CLVS1: variants seen among roughly 807,000 people sequenced by gnomAD.
CLVS1 encodes clavesin-1.
CLVS1 carries 10 observed loss-of-function variants against 33.1 expected under a neutral mutation model. That is an observed-to-expected ratio of 0.30 (90% CI 0.19 to 0.51). The LOEUF (loss-of-function observed/expected upper bound fraction) is 0.51, where lower values mean the gene tolerates loss of function less well. CLVS1 is among the 20% of genes least tolerant of loss of function. The pLI is 0.97. For missense variants in CLVS1, 343 were observed against 433.4 expected, an observed-to-expected ratio of 0.79 and a Z score of 1.85; for synonymous variants, 163 against 166.1, an observed-to-expected ratio of 0.98 and a Z score of 0.14.
intron 2 of CLVS1, among the ~76,000 whole-genome samples, chr8:61,359,650 C>T (rs1812889177): frequency 6.6e-6 from 1 of 152,178 alleles, no homozygotes; most frequent in South Asian, 2.1e-4. Context: ...GCCACCATGC[C>T]TGGCCAGAAA....
chr8:60,971,677 G>A, the CLVS1 span, among the ~76,000 whole-genome samples: 2 of 152,088 alleles, frequency 1.3e-5, no homozygotes, highest in Non-Finnish European at 1.5e-5. Context: ...TGGCTGTGAG[G>A]AATCCCTGAG....
intron 2 of CLVS1, among the ~76,000 whole-genome samples, chr8:61,369,886 T>C (rs1439326628): frequency 6.6e-6 from 1 of 152,094 alleles, no homozygotes; most frequent in Non-Finnish European, 1.5e-5. Context: ...GGAGCACATT[T>C]GCCTCTCCAC....
chr8:61,252,392 T>C (rs943741931), intron 2 of CLVS1, among the ~76,000 whole-genome samples: 3 of 152,196 alleles, frequency 2.0e-5, no homozygotes, highest in Non-Finnish European at 4.4e-5. Context: ...ATGTATATTC[T>C]GTTGATTTGG....
At chr8:61,059,499 T>TATATATATATATATATATATACACAC (rs1265187479) in intron 1 of CLVS1, among the ~76,000 whole-genome samples, 58 of 96,324 alleles carry the variant, frequency 6.0e-4, no homozygotes, top group Non-Finnish European at 1.0e-3. Context: ...TATATATATA[T>TATATATATATATATATATATACACAC]ACACATATCT....
intron 1 of CLVS1, among the ~76,000 whole-genome samples, chr8:61,096,146 T>A (rs1805346956): frequency 6.6e-6 from 1 of 152,158 alleles, no homozygotes; most frequent in Non-Finnish European, 1.5e-5. Flanking sequence ...ACTTACCTAA[T>A]GATATTAAAA....
intron 2 of CLVS1, among the ~76,000 whole-genome samples, chr8:61,236,900 C>G (rs918043223): frequency 6.6e-6 from 1 of 152,186 alleles, no homozygotes; most frequent in Non-Finnish European, 1.5e-5. Flanking sequence ...GAGCCAACAT[C>G]TGCACCTCTG....
At chr8:61,472,278 C>G (rs1374804760) in intron 5 of CLVS1, among the ~76,000 whole-genome samples, 2 of 152,040 alleles carry the variant, frequency 1.3e-5, no homozygotes, top group Non-Finnish European at 2.9e-5. Context: ...CTTTTATTTG[C>G]CACTGTGCCT....
At chr8:61,177,563 A>G (rs1041833992) in intron 2 of CLVS1, among the ~76,000 whole-genome samples, 5 of 152,116 alleles carry the variant, frequency 3.3e-5, no homozygotes, top group Non-Finnish European at 7.4e-5. Flanking sequence ...CAGACACCCT[A>G]TACAGGAGCT....
intron 2 of CLVS1, chr8:61,301,075 A>C (rs1810414579): frequency 6.6e-6 from 1 of 152,168 alleles, no homozygotes; most frequent in Non-Finnish European, 1.5e-5. Flanking sequence ...GAGTCATTCT[A>C]GGTTACACCG....
chr8:61,335,430 C>A (rs1414990684), intron 2 of CLVS1, among the ~76,000 whole-genome samples: 1 of 152,176 alleles, frequency 6.6e-6, no homozygotes, highest in Non-Finnish European at 1.5e-5. Flanking sequence ...TAAGTTAGAT[C>A]TCTTTCACTG....
At chr8:61,417,278 G>A (rs1456803872) in intron 3 of CLVS1, among the ~76,000 whole-genome samples, 1 of 152,188 alleles carries the variant, frequency 6.6e-6, no homozygotes, top group Non-Finnish European at 1.5e-5. Context: ...CTCCACTCCG[G>A]CCACTTGTGA....
chr8:61,395,810 T>C (rs1393785029), intron 3 of CLVS1, among the ~76,000 whole-genome samples: 1 of 152,176 alleles, frequency 6.6e-6, no homozygotes, highest in Admixed American at 6.5e-5. Flanking sequence ...CAAAGTGTTT[T>C]GTTCAACATT....
At chr8:61,041,235 C>T in the CLVS1 span, among the ~76,000 whole-genome samples, 1 of 152,088 alleles carries the variant, frequency 6.6e-6, no homozygotes, top group Non-Finnish European at 1.5e-5. Flanking sequence ...GTTATTGTAG[C>T]CTTATAGTAT....
At chr8:61,476,443 T>C (rs1274470836) in intron 5 of CLVS1, among the ~76,000 whole-genome samples, 2 of 152,214 alleles carry the variant, frequency 1.3e-5, no homozygotes, top group African/African-American at 2.4e-5. Flanking sequence ...GGAATGTTCT[T>C]CCATTTGTTT....
At chr8:61,333,971 T>G (rs1239109631) in intron 2 of CLVS1, among the ~76,000 whole-genome samples, 1 of 152,176 alleles carries the variant, frequency 6.6e-6, no homozygotes, top group Non-Finnish European at 1.5e-5. Flanking sequence ...TTTCTGTTTG[T>G]GTTAGTTTGC....
chr8:61,082,520 A>C (rs1271087620), intron 1 of CLVS1, among the ~76,000 whole-genome samples: 1 of 152,042 alleles, frequency 6.6e-6, no homozygotes, highest in Non-Finnish European at 1.5e-5. Flanking sequence ...ACAACAAAAA[A>C]CTGTGCCTTG....
chr8:61,347,511 A>G (rs1812261275), intron 2 of CLVS1, among the ~76,000 whole-genome samples: 1 of 151,538 alleles, frequency 6.6e-6, no homozygotes, highest in Admixed American at 6.6e-5. Flanking sequence ...CAAAGGATAT[A>G]GAATTTCAGC....
rs189270411 is a variant in CLVS1 at position 61,325,598 on chromosome 8, G to A, written c.455+25316G>A. Among the ~76,000 whole-genome samples, 7 of 152,248 alleles carry A rather than the reference G, an allele frequency of 4.6e-5. No homozygotes were observed. The East Asian group carries it at 1.4e-3, about 29-fold the overall frequency. On this transcript the variant is annotated intron_variant, in intron 2 of 5. Coordinates refer to ENST00000325897, the MANE Select transcript of CLVS1 (RefSeq NM_173519.3). ...GACTTCTCTGTATTTTAGGTGGATA[G>A]CTGCTGTGTGGCAACACCTTGAGTT...
chr8:61,160,455 G>A (rs1402114021), intron 2 of CLVS1, among the ~76,000 whole-genome samples: 2 of 152,136 alleles, frequency 1.3e-5, no homozygotes, highest in East Asian at 3.9e-4. Flanking sequence ...TGCCAACTCT[G>A]GCAGCCCAGG....
Sources: allele counts gnomAD v4.1 joint callset (sites outside exome capture counted in the v4.1 genomes callset), GRCh38; gene constraint gnomAD v4.1.1; transcripts MANE v1.5; gene names NCBI Gene and HGNC (gene_info 2026-07-23, HGNC 2026-07-21).